SLC4A7: variants seen among roughly 807,000 people sequenced by gnomAD.
SLC4A7 encodes solute carrier family 4 member 7, also known as sodium bicarbonate cotransporter 3.
In SLC4A7, 51 loss-of-function variants were observed where a neutral mutation model predicts 137.6. The observed-to-expected ratio is 0.37, with a 90% confidence interval of 0.30 to 0.47. The LOEUF (loss-of-function observed/expected upper bound fraction) is 0.47. SLC4A7 is among the 20% of genes least tolerant of loss of function. The pLI is 1.00. For missense variants in SLC4A7, 1,247 were observed against 1,525.4 expected (o/e 0.82, Z 3.04); for synonymous variants, 542 against 518.6 (o/e 1.05, Z -0.61).
intron 19 of SLC4A7, 43 bp downstream of exon 19, chr3:27,394,911 C>G (rs1241940783): frequency 6.4e-7 from 1 of 1,558,356 alleles, no homozygotes; most frequent in Non-Finnish European, 8.7e-7. Context: ...ACAGCTCAAA[C>G]CCTTGAAGAA....
intron 18 of SLC4A7, among the ~76,000 whole-genome samples, chr3:27,396,427 A>G (rs990702899): frequency 2.0e-5 from 3 of 152,144 alleles, no homozygotes; most frequent in Non-Finnish European, 2.9e-5. Context: ...ATTACAGGAA[A>G]TTACATCACG....
At chr3:27,442,668 C>T (rs2057292971) in intron 3 of SLC4A7, among the ~76,000 whole-genome samples, 1 of 152,174 alleles carries the variant, frequency 6.6e-6, no homozygotes, top group South Asian at 2.1e-4. Context: ...ATCTTCGCCT[C>T]CCAAAGTGCT....
chr3:27,379,241 A>G lies in SLC4A7; in HGVS notation c.3698+8T>C, dbSNP rs371468517. On this transcript the variant is annotated splice_region_variant and intron_variant, in intron 25 of 25. Transcript: ENST00000454389. ...ACAGTTAGAAAACACACAAATAGTT[A>G]TAACTACCTCATGTTAGATCTGGTT... 1.2e-4 allele frequency: 168 copies of G among 1,452,118 alleles called. 2 individuals carry two copies. The East Asian group carries it at 2.7e-3, about 23-fold the overall frequency. The allele number at this position is 1,452,118 out of a possible 1,614,324, so 90.0% of individuals were successfully genotyped here. A position where few individuals can be genotyped will look rare whatever the true frequency, so the allele number is the denominator to read the frequency against.
chr3:27,377,410 GAGAC>G lies in SLC4A7; in HGVS notation c.3699-569_3699-566del, dbSNP rs554129704. Among the ~76,000 whole-genome samples, 13 of 152,000 alleles carry G rather than the reference GAGAC, an allele frequency of 8.6e-5. No homozygotes were observed. In the East Asian group the frequency reaches 2.3e-3, roughly 27 times the overall value. The stretch of plus-strand genomic sequence containing the variant: ...TTGAAATATATATATGTTTTTTTGA[GAGAC>G]AGAGTTTTGCTCTTGTTGCCCAGGC... On this transcript the variant is annotated intron_variant, in intron 25 of 25. Transcript: ENST00000454389.
intron 3 of SLC4A7, among the ~76,000 whole-genome samples, chr3:27,442,315 T>C (rs1227199126): frequency 1.3e-5 from 2 of 152,232 alleles, no homozygotes; most frequent in East Asian, 1.9e-4. Flanking sequence ...ATGATCTTTG[T>C]TGAAACACAG....
chr3:27,405,078 A>C (rs2053202483), intron 13 of SLC4A7, 115 bp from the exon 14 acceptor site: 1 of 528,570 alleles, frequency 1.9e-6, no homozygotes, highest in Non-Finnish European at 3.1e-6. Context: ...CAGTTATAAA[A>C]CCAACACCAC....
chr3:27,385,916 ATCT>A lies in SLC4A7; in HGVS notation c.3465_3467del (p.Glu1155del). 6.4e-7 allele frequency: 1 copy of A among 1,566,230 alleles called. No homozygotes were observed. Among genetic ancestry groups the A allele is most frequent in the Non-Finnish European group, 8.7e-7 (1 of 1,145,384 alleles). On this transcript the variant is annotated inframe_deletion, in exon 23 of 26. Coordinates refer to ENST00000454389, the MANE Select transcript of SLC4A7 (RefSeq NM_001321103.2). ...CCTCTTTCTCTTTTTTCTTTTTGTC[ATCT>A]TCTTTCTTTTTCTTACTTTCTGGCA...
chr3:27,437,353 A>G (rs1387852311), intron 4 of SLC4A7, 35 bp downstream of exon 4: 4 of 1,282,536 alleles, frequency 3.1e-6, no homozygotes, highest in Non-Finnish European at 4.1e-6. Flanking sequence ...CTCCATCTCA[A>G]AAAAAAAAAA....
At chr3:27,416,248 A>C (rs1331162424) in intron 11 of SLC4A7, among the ~76,000 whole-genome samples, 2 of 152,218 alleles carry the variant, frequency 1.3e-5, no homozygotes, top group African/African-American at 4.8e-5. Flanking sequence ...TTAACTTGCA[A>C]CACTTGAGCT....
At chr3:27,449,325 T>C (rs1055375973) in intron 2 of SLC4A7, among the ~76,000 whole-genome samples, 2 of 150,120 alleles carry the variant, frequency 1.3e-5, no homozygotes, top group African/African-American at 4.9e-5. Flanking sequence ...TATATTTTAA[T>C]AACAATTAAA....
rs754600706 is a variant in SLC4A7, at chr3:27,376,808, C to A, written c.3736G>T (p.Asp1246Tyr). ...KPVSVKISFE[D>Y]EPRKKYVDAE... The stretch of plus-strand genomic sequence containing the variant: ...TCCACGTATTTCTTTCTTGGTTCAT[C>A]TTCAAAACTTATTTTCACACTCACA... Residue 1246 changes from aspartate (D) to tyrosine (Y), a missense_variant, in exon 26 of 26, where the codon GAT (aspartate) becomes TAT (tyrosine). This residue lies in a region of SLC4A7 where 290 missense variants were observed against 323.8 expected (regional missense o/e 0.90). Coordinates refer to ENST00000454389, the MANE Select transcript of SLC4A7 (RefSeq NM_001321103.2). 1 of 1,598,902 alleles carries A rather than the reference C, an allele frequency of 6.3e-7. No homozygotes were observed.
At chr3:27,389,710 C>A (rs955568954) in intron 22 of SLC4A7, among the ~76,000 whole-genome samples, 6 of 151,580 alleles carry the variant, frequency 4.0e-5, no homozygotes, top group African/African-American at 1.2e-4. Context: ...AGTCCTATAG[C>A]CTAAGGACTA....
chr3:27,468,925 C>T (rs1046988077), intron 1 of SLC4A7, among the ~76,000 whole-genome samples: 4 of 151,856 alleles, frequency 2.6e-5, no homozygotes, highest in African/African-American at 9.7e-5. Flanking sequence ...CTGGCCATCA[C>T]GCAAAATGCT....
intron 23 of SLC4A7, among the ~76,000 whole-genome samples, chr3:27,383,829 AGTT>A (rs2050676214): frequency 6.6e-6 from 1 of 152,204 alleles, no homozygotes; most frequent in Non-Finnish European, 1.5e-5. Flanking sequence ...AACAACTGAG[AGTT>A]GTTTAATTCC....
intron 3 of SLC4A7, among the ~76,000 whole-genome samples, chr3:27,438,894 G>A (rs750815826): frequency 2.6e-5 from 4 of 152,166 alleles, no homozygotes; most frequent in Non-Finnish European, 4.4e-5. Flanking sequence ...GGGTTTTGGG[G>A]TGGAACAAGT....
intron 20 of SLC4A7, among the ~76,000 whole-genome samples, chr3:27,392,531 C>T (rs369804335): frequency 1.3e-5 from 2 of 152,096 alleles, no homozygotes; most frequent in African/African-American, 2.4e-5. Context: ...AAACAGTTTA[C>T]GAAGCAGACG....
chr3:27,386,124 T>A, intron 22 of SLC4A7, 101 bp from the exon 23 acceptor site: 5 of 911,946 alleles, frequency 5.5e-6, no homozygotes, highest in Non-Finnish European at 6.5e-6. Context: ...AAATGCTTCA[T>A]ATAGTTTAAA....
intron 22 of SLC4A7, among the ~76,000 whole-genome samples, chr3:27,386,610 G>A (rs1353229670): frequency 6.6e-6 from 1 of 152,062 alleles, no homozygotes; most frequent in African/African-American, 2.4e-5. Context: ...GTTCTGTGTA[G>A]TTTGAATAGA....
intron 14 of SLC4A7, 40 bp from the exon 15 acceptor site, chr3:27,403,424 G>A (rs759949477): frequency 6.9e-6 from 10 of 1,443,008 alleles, no homozygotes; most frequent in East Asian, 2.3e-5. Flanking sequence ...AAACATATGT[G>A]GAATAGTATT....
Sources: allele counts gnomAD v4.1 joint callset (sites outside exome capture counted in the v4.1 genomes callset), GRCh38; gene constraint gnomAD v4.1.1; regional missense constraint gnomAD v4.1.1; transcripts MANE v1.5; gene names NCBI Gene and HGNC (gene_info 2026-07-23, HGNC 2026-07-21).